Variants in HACE1 observed in about 807,000 individuals in gnomAD.
HACE1 encodes HECT domain and ankyrin repeat containing E3 ubiquitin protein ligase 1.
In HACE1, 73 loss-of-function variants were observed where a neutral mutation model predicts 118.4. That is an observed-to-expected ratio of 0.62 (90% CI 0.51 to 0.75). HACE1 has a LOEUF of 0.75. HACE1 is among the 30% of genes least tolerant of loss of function. The pLI is 0.00. For missense variants in HACE1, 749 were observed against 1,102.2 expected (o/e 0.68, Z 4.54); for synonymous variants, 368 against 374.8 (o/e 0.98, Z 0.21).
chr6:104,828,016 T>C (rs1188454065), intron 6 of HACE1, among the ~76,000 whole-genome samples: 3 of 152,084 alleles, frequency 2.0e-5, no homozygotes, highest in African/African-American at 7.2e-5. Context: ...TTACAGAAAT[T>C]TAGACTGAAC....
chr6:104,835,428 T>A lies in HACE1; in HGVS notation c.403-2255A>T, dbSNP rs1774430567. Among the ~76,000 whole-genome samples the A allele has an allele frequency of 2.0e-5, 3 of 152,106 alleles. No homozygotes were observed. In the South Asian group the frequency reaches 6.2e-4, roughly 32 times the overall value. On this transcript the variant is annotated intron_variant, in intron 5 of 23. Transcript: ENST00000262903. ...CCTGAAATGAGAAAAGGATACTATT[T>A]TTTGAAAGAGACAAGGAAAAAAAAC...
At chr6:104,802,225 T>C (rs1436229774) in intron 7 of HACE1, among the ~76,000 whole-genome samples, 1 of 152,062 alleles carries the variant, frequency 6.6e-6, no homozygotes, top group Non-Finnish European at 1.5e-5. Flanking sequence ...AGCAAGTCCT[T>C]AGAGACATAC....
chr6:104,784,612 C>A (rs886548963), intron 12 of HACE1, 127 bp from the exon 13 acceptor site: 22 of 669,852 alleles, frequency 3.3e-5, no homozygotes, highest in African/African-American at 7.3e-5. Context: ...GGTTTTGAAT[C>A]TTCTTTGTAA....
chr6:104,833,253 G>C lies in HACE1; in HGVS notation c.403-80C>G, dbSNP rs1441165843. On this transcript the variant is annotated intron_variant, in intron 5 of 23. Transcript: ENST00000262903. Reference sequence around the variant, plus strand: ...AGCAGATAAATAATGTTATTTCTCAGCTGGGCGTGATTTGCACATGCAAAT... The same window carrying C: ...AGCAGATAAATAATGTTATTTCTCACCTGGGCGTGATTTGCACATGCAAAT... The C allele has an allele frequency of 2.3e-6, 3 of 1,310,256 alleles. No individual in the cohort carries two copies. The South Asian group carries it at 3.6e-5, about 16-fold the overall frequency. The allele number at this position is 1,310,256 out of a possible 1,614,324, so 81.2% of individuals were successfully genotyped here.
At chr6:104,817,164 AG>A (rs1772206817) in intron 6 of HACE1, among the ~76,000 whole-genome samples, 1 of 152,192 alleles carries the variant, frequency 6.6e-6, no homozygotes, top group African/African-American at 2.4e-5. Context: ...ACTGTTGAGA[AG>A]GGATAATTGT....
chr6:104,821,557 G>C (rs1186755491), intron 6 of HACE1, among the ~76,000 whole-genome samples: 1 of 152,070 alleles, frequency 6.6e-6, no homozygotes, highest in East Asian at 1.9e-4. Context: ...TATGTACCCA[G>C]ACAGTGTGCT....
chr6:104,775,058 T>C (rs1191720007), intron 17 of HACE1, among the ~76,000 whole-genome samples: 5 of 152,098 alleles, frequency 3.3e-5, no homozygotes, highest in African/African-American at 1.2e-4. Context: ...ATCAAAATGT[T>C]TGGCCAGACG....
rs552009862 is a variant in HACE1, at chr6:104,842,597, G to A, written c.402+626C>T. The stretch of plus-strand genomic sequence containing the variant: ...TTAAAAGTATTTAAAAGAACATAAC[G>A]AAAAACAGCTCTCCAAGAATGAACA... On this transcript the variant is annotated intron_variant, in intron 5 of 23. Coordinates refer to ENST00000262903, the MANE Select transcript of HACE1 (RefSeq NM_020771.4). Among the ~76,000 whole-genome samples, 14 of 151,822 alleles carry A rather than the reference G, an allele frequency of 9.2e-5. No individual in the cohort carries two copies. The South Asian group carries it at 1.9e-3, about 20-fold the overall frequency.
intron 5 of HACE1, 114 bp from the exon 6 acceptor site, chr6:104,833,287 G>C (rs917004512): frequency 1.1e-6 from 1 of 923,992 alleles, no homozygotes; most frequent in African/African-American, 1.6e-5. Context: ...ATCTAAAGGT[G>C]TTTTAAGTCC....
rs558205263 is a variant in HACE1 at position 104,777,275 on chromosome 6, A to C, written c.1609T>G (p.Ser537Ala). ...RCEWFYEHLH[S>A]GQPDSDMVHR... ...ACCATATCTGAATCTGGCTGTCCTG[A>C]ATGCAAATGTTCATAGAACCATTCA... The change falls in exon 15 of 24, where the codon TCA becomes GCA. Residue 537 changes from serine to alanine, a missense_variant. This residue lies in a region of HACE1 where 195 missense variants were observed against 322.1 expected (regional missense o/e 0.61). Transcript: ENST00000262903. 6.2e-7 allele frequency: 1 copy of C among 1,613,764 alleles called. No individual in the cohort carries two copies. The highest frequency in any genetic ancestry group is 1.7e-5 in the Admixed American group (1 of 60,030).
chr6:104,770,652 G>A (rs896786510), intron 19 of HACE1, among the ~76,000 whole-genome samples: 1 of 152,168 alleles, frequency 6.6e-6, no homozygotes, highest in African/African-American at 2.4e-5. Context: ...CCAGGAGGCA[G>A]AGGTTGCAGT....
At chr6:104,763,390 C>T (rs917226294) in intron 19 of HACE1, among the ~76,000 whole-genome samples, 4 of 152,126 alleles carry the variant, frequency 2.6e-5, no homozygotes, top group African/African-American at 9.7e-5. Flanking sequence ...TCTGTATATA[C>T]AAAATGAGTT....
Position 104,852,298 on chromosome 6 carries a change from T to G in HACE1, c.131+19A>C, listed in dbSNP as rs770100394. 3 of 1,595,934 alleles carry G rather than the reference T, an allele frequency of 1.9e-6. No homozygotes were observed. The highest frequency in any genetic ancestry group is 1.1e-5 in the South Asian group (1 of 90,672). ...TGTATGCTTCTTAAAAAGCAAAAAT[T>G]TTTGGAACAAGCACTCACCTGTGTT... On this transcript the variant is annotated intron_variant, in intron 2 of 23. Coordinates refer to ENST00000262903, the MANE Select transcript of HACE1 (RefSeq NM_020771.4).
intron 5 of HACE1, among the ~76,000 whole-genome samples, chr6:104,835,020 T>C (rs899087310): frequency 6.6e-6 from 1 of 152,224 alleles, no homozygotes; most frequent in African/African-American, 2.4e-5. Context: ...CAAGTTTAAA[T>C]ATTGAATATT....
chr6:104,795,524 G>A (rs745688269), intron 10 of HACE1, 55 bp downstream of exon 10: 23 of 994,990 alleles, frequency 2.3e-5, no homozygotes, highest in Non-Finnish European at 3.6e-5. Flanking sequence ...TACTCAGGAG[G>A]TGAAGCCAAC....
chr6:104,751,602 C>A (rs928424765), intron 19 of HACE1, among the ~76,000 whole-genome samples: 1 of 151,896 alleles, frequency 6.6e-6, no homozygotes, highest in Non-Finnish European at 1.5e-5. Context: ...CACACTCCAA[C>A]CCGGGCAACA....
At chr6:104,768,782 A>C (rs561691987) in intron 19 of HACE1, among the ~76,000 whole-genome samples, 137 of 152,238 alleles carry the variant, frequency 9.0e-4, no homozygotes, top group Admixed American at 1.4e-3. Context: ...GAGAAACAAA[A>C]GTTTCAAGCT....
chr6:104,857,774 G>T (rs139682460), intron 1 of HACE1, among the ~76,000 whole-genome samples: 1 of 152,004 alleles, frequency 6.6e-6, no homozygotes, highest in East Asian at 1.9e-4. Context: ...TAGCTAACAC[G>T]GTGAAACCCC....
intron 22 of HACE1, among the ~76,000 whole-genome samples, chr6:104,740,410 T>C (rs1776515309): frequency 6.6e-6 from 1 of 151,984 alleles, no homozygotes; most frequent in Admixed American, 6.6e-5. Flanking sequence ...ACAAAATTGA[T>C]AGACCGCTAG....
Sources: allele counts gnomAD v4.1 joint callset (sites outside exome capture counted in the v4.1 genomes callset), GRCh38; gene constraint gnomAD v4.1.1; regional missense constraint gnomAD v4.1.1; transcripts MANE v1.5; gene names NCBI Gene and HGNC (gene_info 2026-07-23, HGNC 2026-07-21).